Variants in MKLN1 observed in about 807,000 individuals in gnomAD.
The protein encoded by MKLN1 is muskelin 1, also known as muskelin.
Under a neutral mutation model 99.0 loss-of-function variants are expected in MKLN1, and 18 were observed. That is an observed-to-expected ratio of 0.18 (90% CI 0.13 to 0.27). MKLN1 has a LOEUF of 0.27. Among genes scored for constraint, MKLN1 ranks in the 10% least tolerant of loss-of-function variants. The pLI, the probability that MKLN1 is intolerant of heterozygous loss-of-function variation, is 1.00. For synonymous variants in MKLN1, 288 were observed against 293.2 expected (o/e 0.98, Z 0.18); for missense variants, 621 against 875.9 (o/e 0.71, Z 3.67).
chr7:131,483,746 G>A (rs1057053383), intron 17 of MKLN1, among the ~76,000 whole-genome samples: 1 of 152,254 alleles, frequency 6.6e-6, no homozygotes, highest in Non-Finnish European at 1.5e-5. Context: ...GTTGTGGATA[G>A]TAAGAGCTGA....
Position 131,444,775 on chromosome 7 carries a change from T to A in MKLN1, c.1396-999T>A, listed in dbSNP as rs1459924045. 1.3e-3 allele frequency among the ~76,000 whole-genome samples: 168 copies of A among 132,306 alleles called. 1 individual carries two copies. Among genetic ancestry groups the A allele is most frequent in the South Asian group, 4.6e-3 (20 of 4,386 alleles). The allele number at this position is 132,306 out of a possible 152,430, so 86.8% of individuals were successfully genotyped here. ...GTAGTAGTAGAAGAAGTAGTAGTAG[T>A]AGTAGTAGTAGTAGTAGTAGTAGTA... On this transcript the variant is annotated intron_variant, in intron 11 of 17. Coordinates refer to ENST00000352689, the MANE Select transcript of MKLN1 (RefSeq NM_013255.5).
chr7:131,369,438 T>C (rs2116829518), intron 1 of MKLN1, among the ~76,000 whole-genome samples: 1 of 152,324 alleles, frequency 6.6e-6, no homozygotes, highest in South Asian at 2.1e-4. Context: ...AATTTCTTTT[T>C]CCATGACACA....
At chr7:131,221,617 C>T (rs896908320) in intron 3 of MKLN1, among the ~76,000 whole-genome samples, 3 of 150,416 alleles carry the variant, frequency 2.0e-5, no homozygotes, top group Non-Finnish European at 4.4e-5. Flanking sequence ...GGATGATTCT[C>T]CTGCCTCAGC....
At position 131,399,442 on chromosome 7, in the gene MKLN1, C is replaced by CTTTACCAT. The variant is rs1794463555; in HGVS notation, c.703+11_703+12insTACCATTT. The CTTTACCAT allele has an allele frequency of 6.2e-7, 1 of 1,610,798 alleles. No individual in the cohort carries two copies. The highest frequency in any genetic ancestry group is 1.7e-5 in the Admixed American group (1 of 59,770). On this transcript the variant is annotated intron_variant, in intron 6 of 17. Coordinates refer to ENST00000352689, the MANE Select transcript of MKLN1 (RefSeq NM_013255.5). The stretch of plus-strand genomic sequence containing the variant: ...TGAAAAGGCTGTAAATGGTATGAAA[C>CTTTACCAT]TTAGATTGGTTATTAGGGTAAATTC...
chr7:131,399,470 G>C (rs1371117312), intron 6 of MKLN1, 37 bp downstream of exon 6: 1 of 1,537,636 alleles, frequency 6.5e-7, no homozygotes, highest in Non-Finnish European at 8.9e-7. Flanking sequence ...GTAAATTCAA[G>C]TACATACGGG....
chr7:131,296,543 A>C (rs1798294314), intron 3 of MKLN1, among the ~76,000 whole-genome samples: 1 of 152,192 alleles, frequency 6.6e-6, no homozygotes, highest in Admixed American at 6.5e-5. Context: ...CCCTTGAAGA[A>C]CATGGGTTTG....
chr7:131,367,923 T>C (rs1359224554), intron 1 of MKLN1, among the ~76,000 whole-genome samples: 5 of 152,200 alleles, frequency 3.3e-5, no homozygotes, highest in Non-Finnish European at 7.4e-5. Flanking sequence ...TGAATTGATA[T>C]CATGATTGAC....
chr7:131,305,140 C>G (rs1798435142), intron 3 of MKLN1, among the ~76,000 whole-genome samples: 1 of 152,192 alleles, frequency 6.6e-6, no homozygotes, highest in Non-Finnish European at 1.5e-5. Flanking sequence ...AGAAATGAAT[C>G]TCTATTCTTT....
intron 3 of MKLN1, among the ~76,000 whole-genome samples, chr7:131,297,024 C>A (rs1798300149): frequency 6.6e-6 from 1 of 152,022 alleles, no homozygotes; most frequent in Non-Finnish European, 1.5e-5. Context: ...CAGGCATGAG[C>A]CACTGCACCT....
At chr7:131,318,260 C>T (rs1044291008) in intron 3 of MKLN1, among the ~76,000 whole-genome samples, 1 of 152,212 alleles carries the variant, frequency 6.6e-6, no homozygotes, top group Admixed American at 6.5e-5. Flanking sequence ...AACAGTCTCT[C>T]AGACCACAGT....
chr7:131,187,923 C>T (rs1000598075), intron 2 of MKLN1, among the ~76,000 whole-genome samples: 1 of 151,766 alleles, frequency 6.6e-6, no homozygotes, highest in African/African-American at 2.4e-5. Flanking sequence ...GCCACTGTAC[C>T]CCAGCCTGGG....
intron 9 of MKLN1, among the ~76,000 whole-genome samples, chr7:131,433,849 G>A (rs375642526): frequency 6.6e-6 from 1 of 151,128 alleles, no homozygotes; most frequent in East Asian, 1.9e-4. Context: ...TATTAATTTG[G>A]AGCAAATTGG....
chr7:131,290,398 G>A (rs1248556812), intron 3 of MKLN1, among the ~76,000 whole-genome samples: 2 of 152,162 alleles, frequency 1.3e-5, no homozygotes, highest in Non-Finnish European at 2.9e-5. Flanking sequence ...AATACTCTAT[G>A]TAAATTTGCA....
At chr7:131,431,333 G>A (rs1357184951) in intron 9 of MKLN1, among the ~76,000 whole-genome samples, 4 of 152,120 alleles carry the variant, frequency 2.6e-5, no homozygotes, top group African/African-American at 7.2e-5. Context: ...TTCAGTTATC[G>A]TTTACACTGT....
chr7:131,144,220 G>A (rs1366641785), intron 2 of MKLN1, among the ~76,000 whole-genome samples: 2 of 152,070 alleles, frequency 1.3e-5, no homozygotes, highest in Non-Finnish European at 2.9e-5. Flanking sequence ...CGGGCTCAGT[G>A]GCTCACACCT....
chr7:131,199,272 A>G (rs1487744610), intron 2 of MKLN1, among the ~76,000 whole-genome samples: 1 of 151,290 alleles, frequency 6.6e-6, no homozygotes, highest in African/African-American at 2.4e-5. Context: ...AAAAAAAAAG[A>G]TAGAGACAGG....
At chr7:131,432,298 G>C (rs1795546990) in intron 9 of MKLN1, among the ~76,000 whole-genome samples, 1 of 152,136 alleles carries the variant, frequency 6.6e-6, no homozygotes, top group South Asian at 2.1e-4. Context: ...TTCTTCTAAA[G>C]CTTGGTATGG....
In MKLN1 at chr7:131,496,208, G is replaced by C. The variant is rs991451744; in HGVS notation, c.*8480G>C. 1 of 152,048 alleles carries C rather than the reference G, an allele frequency of 6.6e-6. No individual in the cohort carries two copies. The highest frequency in any genetic ancestry group is 2.4e-5 in the African/African-American group (1 of 41,318). The allele number at this position is 152,048 out of a possible 1,614,324, so 9.4% of individuals were successfully genotyped here. On this transcript the variant is annotated 3_prime_UTR_variant, in exon 18 of 18. Transcript: ENST00000352689. ...TACCCCCTCTTCTGTGGCAATGTGG[G>C]GTCAGGGCCGTATCCTAAAGTATCC...
intron 1 of MKLN1, among the ~76,000 whole-genome samples, chr7:131,372,083 G>A (rs1027316952): frequency 6.6e-6 from 1 of 151,670 alleles, no homozygotes; most frequent in Non-Finnish European, 1.5e-5. Flanking sequence ...TAGGAACTGT[G>A]AAAGATGAAG....
Sources: gnomAD v4.1 joint callset for allele counts (sites outside exome capture counted in the v4.1 genomes callset) on GRCh38, gnomAD v4.1.1 for gene constraint, MANE v1.5 for transcripts, NCBI Gene and HGNC (gene_info 2026-07-23, HGNC 2026-07-21) for gene names.